The following RHBDD1 variants were observed in gnomAD, a reference collection of about 807,000 sequenced individuals.
RHBDD1 encodes the protein rhomboid domain containing 1.
Under a neutral mutation model 36.3 loss-of-function variants are expected in RHBDD1, and 38 were observed. The ratio of observed to expected loss-of-function variants is 1.05; its 90% CI spans 0.81 to 1.37. The LOEUF (loss-of-function observed/expected upper bound fraction) is 1.37. Ranked by LOEUF, RHBDD1 falls within the 40% of genes most tolerant of loss-of-function variation. RHBDD1 has a pLI of 0.00. For missense variants in RHBDD1, 393 were observed against 377.6 expected, an observed-to-expected ratio of 1.04 and a Z score of -0.34; for synonymous variants, 151 against 136.5, an observed-to-expected ratio of 1.11 and a Z score of -0.74.
chr2:226,945,935 G>C (rs1950968347), intron 8 of RHBDD1, among the ~76,000 whole-genome samples: 1 of 151,834 alleles, frequency 6.6e-6, no homozygotes, highest in African/African-American at 2.4e-5. Context: ...TATGTTTGTT[G>C]GCCACATAAA....
At chr2:226,833,523 CG>C (rs1007103573), upstream of RHBDD1, among the ~76,000 whole-genome samples, 1 of 152,138 alleles carries the variant, frequency 6.6e-6, no homozygotes, top group African/African-American at 2.4e-5. Flanking sequence ...TCATTTAAGT[CG>C]GGTGGCTTAA....
At chr2:226,945,271 TTC>T (rs1950906776) in intron 8 of RHBDD1, among the ~76,000 whole-genome samples, 1 of 151,896 alleles carries the variant, frequency 6.6e-6, no homozygotes, top group African/African-American at 2.4e-5. Flanking sequence ...CAACCTGTCA[TTC>T]TCATTAGGTA....
chr2:226,819,079 T>TA, the RHBDD1 span, among the ~76,000 whole-genome samples: 66 of 152,312 alleles, frequency 4.3e-4, no homozygotes, highest in African/African-American at 1.5e-3. Flanking sequence ...TTGACTCGTT[T>TA]ATATCACCTG....
rs1019636339 is a variant in RHBDD1 at position 226,854,538 on chromosome 2, G to A, written c.-90-10066G>A. ...AAACCTGGGAGGCGGAGGTTGCAGT[G>A]AGCCAAGATCGCAGATCGCACCACT... is the stretch of plus-strand genomic sequence containing the variant. On this transcript the variant is annotated intron_variant, in intron 3 of 8. Coordinates refer to ENST00000392062, the MANE Select transcript of RHBDD1 (RefSeq NM_001167608.3). Among the ~76,000 whole-genome samples the A allele has an allele frequency of 2.0e-5, 3 of 147,630 alleles. No homozygotes were observed. The Admixed American group carries it at 2.1e-4, about 10-fold the overall frequency.
chr2:226,935,326 A>G (rs1213324860), intron 8 of RHBDD1: 3 of 152,300 alleles, frequency 2.0e-5, no homozygotes, highest in Non-Finnish European at 2.9e-5. Context: ...GAGCAATCAT[A>G]TATTCATAGG....
chr2:226,881,969 A>G (rs1945778017), intron 5 of RHBDD1, among the ~76,000 whole-genome samples: 1 of 152,198 alleles, frequency 6.6e-6, no homozygotes, highest in Non-Finnish European at 1.5e-5. Context: ...AGTAGTTCTT[A>G]TTAGATTTTA....
In RHBDD1 at chr2:226,959,825, G is replaced by C. The variant is rs996474866; in HGVS notation, c.857-35606G>C. Among the ~76,000 whole-genome samples the C allele has an allele frequency of 3.3e-5, 5 of 152,000 alleles. No individual in the cohort carries two copies. In the South Asian group the frequency reaches 8.3e-4, roughly 25 times the overall value. On this transcript the variant is annotated intron_variant, in intron 8 of 8. Coordinates refer to ENST00000392062, the MANE Select transcript of RHBDD1 (RefSeq NM_001167608.3). ...TATGTTTACTTTTTTTTTGTTGTTT[G>C]TTTATTTTTTGTTTTGATATGGAGT...
chr2:226,939,309 T>C (rs1559293322), intron 8 of RHBDD1, among the ~76,000 whole-genome samples: 1 of 151,950 alleles, frequency 6.6e-6, no homozygotes, highest in Admixed American at 6.6e-5. Context: ...AAATAAAAGG[T>C]ATTTAGGAAG....
intron 8 of RHBDD1, among the ~76,000 whole-genome samples, chr2:226,962,963 A>C (rs1952324794): frequency 6.6e-6 from 1 of 151,964 alleles, no homozygotes; most frequent in Non-Finnish European, 1.5e-5. Context: ...GCACTATTGG[A>C]ACTTTGGGCT....
At chr2:226,805,871 C>T in the RHBDD1 span, among the ~76,000 whole-genome samples, 1 of 152,166 alleles carries the variant, frequency 6.6e-6, no homozygotes, top group African/African-American at 2.4e-5. Flanking sequence ...CCATGTCCCT[C>T]TCATTCTTCT....
At chr2:226,890,150 T>G (rs1336738593) in intron 5 of RHBDD1, among the ~76,000 whole-genome samples, 2 of 152,164 alleles carry the variant, frequency 1.3e-5, no homozygotes, top group African/African-American at 4.8e-5. Flanking sequence ...CCCTTGAAAG[T>G]GTTTGCTGAC....
intron 5 of RHBDD1, among the ~76,000 whole-genome samples, chr2:226,885,140 T>C (rs1946101853): frequency 6.6e-6 from 1 of 152,192 alleles, no homozygotes; most frequent in Non-Finnish European, 1.5e-5. Context: ...AAAAGCTCAT[T>C]ATTAGTTAAA....
Position 226,878,853 on chromosome 2 carries a change from G to A in RHBDD1, c.566+11535G>A, listed in dbSNP as rs770863185. On this transcript the variant is annotated intron_variant, in intron 5 of 8. Transcript: ENST00000392062. ...TGAATGAATATAGGAAAAGTAGAAT[G>A]AAAAGTGTGCAAAGGACAGTGTTGA... Among the ~76,000 whole-genome samples the A allele has an allele frequency of 3.9e-5, 6 of 152,184 alleles. No individual in the cohort carries two copies. The East Asian group carries it at 1.2e-3, about 29-fold the overall frequency.
intron 3 of RHBDD1, among the ~76,000 whole-genome samples, chr2:226,858,058 C>T (rs1457345044): frequency 1.3e-5 from 2 of 152,100 alleles, no homozygotes; most frequent in African/African-American, 2.4e-5. Context: ...ATTTTTCACA[C>T]ACAAAAAATT....
intron 3 of RHBDD1, among the ~76,000 whole-genome samples, chr2:226,849,659 G>A (rs966502158): frequency 4.6e-5 from 7 of 152,260 alleles, no homozygotes; most frequent in Non-Finnish European, 8.8e-5. Context: ...ACGACAGAGA[G>A]TCAAGGCAGA....
chr2:226,867,659 A>T lies in RHBDD1; in HGVS notation c.566+341A>T, dbSNP rs148890474. On this transcript the variant is annotated intron_variant, in intron 5 of 8. Transcript: ENST00000392062. ...GATTCCAAAGAAGCACATAGAAACC[A>T]CGTAACTATAAAGATTAAAAAGCTA... 9.1e-5 allele frequency: 90 copies of T among 984,136 alleles called. No individual in the cohort carries two copies. In the African/African-American group the frequency reaches 1.4e-3, roughly 16 times the overall value. The allele number at this position is 984,136 out of a possible 1,614,324, so 61.0% of individuals were successfully genotyped here.
At chr2:226,858,027 C>G (rs891038921) in intron 3 of RHBDD1, among the ~76,000 whole-genome samples, 1 of 152,144 alleles carries the variant, frequency 6.6e-6, no homozygotes, top group Admixed American at 6.5e-5. Context: ...TCCTGCTGTT[C>G]AAGGTCATCG....
At chr2:226,948,620 C>G (rs1427613086) in intron 8 of RHBDD1, among the ~76,000 whole-genome samples, 3 of 135,068 alleles carry the variant, frequency 2.2e-5, no homozygotes, top group Admixed American at 7.2e-5. Context: ...ATAAAATAAA[C>G]TAGGTATTGA....
At chr2:226,892,344 T>C (rs1234674389) in intron 5 of RHBDD1, among the ~76,000 whole-genome samples, 1 of 152,176 alleles carries the variant, frequency 6.6e-6, no homozygotes, top group Non-Finnish European at 1.5e-5. Context: ...ACAAGCAGAA[T>C]TTACTTTTTC....
Sources: gnomAD v4.1 joint callset for allele counts (sites outside exome capture counted in the v4.1 genomes callset) on GRCh38, gnomAD v4.1.1 for gene constraint, MANE v1.5 for transcripts, NCBI Gene and HGNC (gene_info 2026-07-23, HGNC 2026-07-21) for gene names.